Variants in GPC5 observed in about 807,000 individuals in gnomAD.
The protein encoded by GPC5 is glypican-5.
GPC5 carries 47 observed loss-of-function variants against 53.9 expected under a neutral mutation model. The observed-to-expected ratio is 0.87, with a 90% CI of 0.69 to 1.11. GPC5 has a LOEUF of 1.11. GPC5 is among the 50% of genes most tolerant of loss of function. The pLI, the probability that GPC5 is intolerant of heterozygous loss-of-function variation, is 0.00. For synonymous variants in GPC5, 286 were observed against 263.3 expected (o/e 1.09, Z -0.84); for missense variants, 748 against 713.1 (o/e 1.05, Z -0.56).
At chr13:92,115,258 C>G (rs995955186) in intron 6 of GPC5, among the ~76,000 whole-genome samples, 29 of 152,280 alleles carry the variant, frequency 1.9e-4, no homozygotes, top group African/African-American at 5.1e-4. Context: ...CTTGTAATCC[C>G]AACACTTCGG....
intron 7 of GPC5, among the ~76,000 whole-genome samples, chr13:92,211,583 C>G (rs2042375892): frequency 6.6e-6 from 1 of 152,228 alleles, no homozygotes; most frequent in South Asian, 2.1e-4. Context: ...CCAAGTGTGT[C>G]CAGCAGCAGC....
intron 2 of GPC5, among the ~76,000 whole-genome samples, chr13:91,649,238 C>A (rs990705889): frequency 1.3e-5 from 2 of 152,158 alleles, no homozygotes; most frequent in Non-Finnish European, 2.9e-5. Context: ...CAGTCTCAGG[C>A]AGTTCCTTAT....
intron 6 of GPC5, among the ~76,000 whole-genome samples, chr13:92,003,325 CAAAAAAAAAAA>C (rs57075719): frequency 1.0e-5 from 1 of 100,204 alleles, no homozygotes; most frequent in Non-Finnish European, 2.1e-5. Flanking sequence ...TGTCTTAACA[CAAAAAAAAAAA>C]AAAAAAAAGA....
intron 7 of GPC5, among the ~76,000 whole-genome samples, chr13:92,420,052 C>A (rs1459212379): frequency 6.6e-6 from 1 of 152,192 alleles, no homozygotes; most frequent in Non-Finnish European, 1.5e-5. Context: ...TTCCAAGCCT[C>A]AAATCTACAT....
intron 7 of GPC5, among the ~76,000 whole-genome samples, chr13:92,457,740 C>T (rs917883329): frequency 4.6e-5 from 7 of 151,804 alleles, no homozygotes; most frequent in Middle Eastern, 3.2e-3. Context: ...TTTATTTACA[C>T]ACTTTTTAAT....
At chr13:91,414,192 T>A (rs1478906006) in intron 1 of GPC5, among the ~76,000 whole-genome samples, 1 of 152,214 alleles carries the variant, frequency 6.6e-6, no homozygotes, top group African/African-American at 2.4e-5. Flanking sequence ...GGCAATTGAA[T>A]CATGGGGGCA....
At chr13:92,088,770 C>T (rs1324516026) in intron 6 of GPC5, among the ~76,000 whole-genome samples, 2 of 152,140 alleles carry the variant, frequency 1.3e-5, no homozygotes, top group Non-Finnish European at 2.9e-5. Context: ...CCTTTTTTCT[C>T]CGTTTTATCT....
chr13:92,483,009 A>G (rs927122752), intron 7 of GPC5, among the ~76,000 whole-genome samples: 10 of 152,212 alleles, frequency 6.6e-5, no homozygotes, highest in Non-Finnish European at 1.3e-4. Context: ...CTTACATGGC[A>G]GCAGGCAGGA....
intron 1 of GPC5, among the ~76,000 whole-genome samples, chr13:91,413,775 T>G (rs1877985934): frequency 6.6e-6 from 1 of 152,182 alleles, no homozygotes; most frequent in African/African-American, 2.4e-5. Context: ...TCTGGCCCCT[T>G]CTTTTTTAAC....
chr13:91,765,386 G>A (rs2037502575), intron 5 of GPC5, among the ~76,000 whole-genome samples: 1 of 152,186 alleles, frequency 6.6e-6, no homozygotes, highest in South Asian at 2.1e-4. Flanking sequence ...TCAGTCATCT[G>A]CTTTTCATGT....
chr13:92,750,890 C>T (rs896685502), intron 7 of GPC5, among the ~76,000 whole-genome samples: 4 of 152,122 alleles, frequency 2.6e-5, no homozygotes, highest in African/African-American at 9.7e-5. Flanking sequence ...TGGCCTTCAA[C>T]AGTGCTATAT....
intron 7 of GPC5, among the ~76,000 whole-genome samples, chr13:92,591,950 C>A (rs142860560): frequency 6.6e-6 from 1 of 152,174 alleles, no homozygotes; most frequent in African/African-American, 2.4e-5. Flanking sequence ...ACCTGAGAGT[C>A]CACCCTTAAC....
chr13:92,112,849 A>C (rs958069431), intron 6 of GPC5, among the ~76,000 whole-genome samples: 1 of 152,262 alleles, frequency 6.6e-6, no homozygotes, highest in East Asian at 1.9e-4. Flanking sequence ...AATTAAGACT[A>C]TTCCTGATAG....
At chr13:92,743,702 G>A (rs1889166704) in intron 7 of GPC5, among the ~76,000 whole-genome samples, 1 of 152,114 alleles carries the variant, frequency 6.6e-6, no homozygotes. Flanking sequence ...TGTCCATTCA[G>A]TATGATATTG....
intron 7 of GPC5, among the ~76,000 whole-genome samples, chr13:92,160,107 A>T (rs1052319086): frequency 1.3e-5 from 2 of 151,160 alleles, no homozygotes; most frequent in Non-Finnish European, 2.9e-5. Context: ...ATGAGGTTTC[A>T]CCACGTTGGT....
At chr13:92,666,426 A>G (rs1886567234) in intron 7 of GPC5, among the ~76,000 whole-genome samples, 1 of 152,174 alleles carries the variant, frequency 6.6e-6, no homozygotes, top group African/African-American at 2.4e-5. Context: ...TGGCAATTGC[A>G]TGTTTCTGCT....
intron 2 of GPC5, among the ~76,000 whole-genome samples, chr13:91,583,096 C>T (rs994293278): frequency 1.3e-5 from 2 of 152,134 alleles, no homozygotes; most frequent in African/African-American, 4.8e-5. Flanking sequence ...ATAAAGGAAT[C>T]CTACTGCAAA....
intron 6 of GPC5, among the ~76,000 whole-genome samples, chr13:91,958,130 C>T (rs2040091465): frequency 6.6e-6 from 1 of 150,706 alleles, no homozygotes; most frequent in South Asian, 2.1e-4. Flanking sequence ...ATACTGCCTA[C>T]AAGAAACTCA....
At chr13:91,439,881 A>G (rs751526241) in intron 1 of GPC5, among the ~76,000 whole-genome samples, 2 of 152,190 alleles carry the variant, frequency 1.3e-5, no homozygotes, top group Non-Finnish European at 2.9e-5. Context: ...AAACAAATAA[A>G]ATCAAGTTAC....
Sources: allele counts gnomAD v4.1 joint callset (sites outside exome capture counted in the v4.1 genomes callset), GRCh38; gene constraint gnomAD v4.1.1; transcripts MANE v1.5; gene names NCBI Gene and HGNC (gene_info 2026-07-23, HGNC 2026-07-21).